The following SMURF2 variants were observed in gnomAD, a reference collection of about 807,000 sequenced individuals.
The protein encoded by SMURF2 is SMAD specific E3 ubiquitin protein ligase 2.
Under a neutral mutation model 109.6 loss-of-function variants are expected in SMURF2, and 48 were observed. The observed-to-expected ratio is 0.44, with a 90% confidence interval of 0.35 to 0.56. The LOEUF (loss-of-function observed/expected upper bound fraction) is 0.56. SMURF2 is among the 20% of genes least tolerant of loss of function. The pLI, the probability that SMURF2 is intolerant of heterozygous loss-of-function variation, is 0.01. For missense variants in SMURF2, 575 were observed against 909.0 expected (o/e 0.63, Z 4.72); for synonymous variants, 288 against 317.1 (o/e 0.91, Z 0.97).
intron 13 of SMURF2, among the ~76,000 whole-genome samples, chr17:64,557,282 C>T (rs1350344432): frequency 1.3e-5 from 2 of 152,172 alleles, no homozygotes; most frequent in Non-Finnish European, 2.9e-5. Flanking sequence ...AGTGATGAGA[C>T]CACGACACGT....
chr17:64,546,626 A>C (rs1226433381), intron 17 of SMURF2, among the ~76,000 whole-genome samples: 2 of 152,244 alleles, frequency 1.3e-5, no homozygotes, highest in Non-Finnish European at 2.9e-5. Context: ...TCAATATCCC[A>C]AAAGCATGAG....
chr17:64,655,491 T>C (rs1970694477), intron 1 of SMURF2, among the ~76,000 whole-genome samples: 1 of 151,666 alleles, frequency 6.6e-6, no homozygotes, highest in Non-Finnish European at 1.5e-5. Context: ...CTCCTGACCT[T>C]AGATGATCCA....
rs118066861 is a variant in SMURF2, at chr17:64,625,800, C to T, written c.53-19160G>A. 8.0e-4 allele frequency among the ~76,000 whole-genome samples: 122 copies of T among 152,286 alleles called. 1 individual carries two copies. Among genetic ancestry groups the T allele is most frequent in the Non-Finnish European group, 9.4e-4 (64 of 68,018 alleles). ...TCTCAGCACCAGACTTTGAAAACCACGGCCTTAAATAATGGCTCTCTACTT... is the reference window on the plus strand; with the variant it reads ...TCTCAGCACCAGACTTTGAAAACCATGGCCTTAAATAATGGCTCTCTACTT... On this transcript the variant is annotated intron_variant, in intron 1 of 18. Transcript: ENST00000262435.
chr17:64,556,743 A>G (rs1348484319), intron 13 of SMURF2, among the ~76,000 whole-genome samples: 11 of 152,126 alleles, frequency 7.2e-5, no homozygotes, highest in African/African-American at 2.7e-4. Context: ...CCTTTTATAT[A>G]TATTTGGTCT....
At chr17:64,596,570 A>C (rs569697438) in intron 3 of SMURF2, among the ~76,000 whole-genome samples, 1 of 148,518 alleles carries the variant, frequency 6.7e-6, no homozygotes, top group African/African-American at 2.5e-5. Flanking sequence ...AAGTTCACCG[A>C]AACAGGAGAG....
At chr17:64,572,048 T>C (rs576559677) in intron 9 of SMURF2, 92 bp from the exon 10 acceptor site, 53 of 1,071,690 alleles carry the variant, frequency 4.9e-5, no homozygotes, top group Non-Finnish European at 6.5e-5. Context: ...CCACAAAGTG[T>C]GAGAAAATGT....
At chr17:64,577,976 C>T (rs1331651052) in intron 9 of SMURF2, among the ~76,000 whole-genome samples, 8 of 137,064 alleles carry the variant, frequency 5.8e-5, no homozygotes, top group African/African-American at 1.9e-4. Context: ...GACAGAGTCT[C>T]GCTCTGTGGC....
chr17:64,646,484 A>G (rs1351572157), intron 1 of SMURF2, among the ~76,000 whole-genome samples: 1 of 150,124 alleles, frequency 6.7e-6, no homozygotes, highest in Admixed American at 6.7e-5. Flanking sequence ...GCTGGGCTCG[A>G]GCCATCCTCC....
intron 1 of SMURF2, among the ~76,000 whole-genome samples, chr17:64,630,752 G>A (rs2144707748): frequency 6.6e-6 from 1 of 152,274 alleles, no homozygotes; most frequent in Admixed American, 6.5e-5. Context: ...ATAAGAACAA[G>A]TTCCTATACA....
chr17:64,551,554 C>T (rs782095778), intron 16 of SMURF2, 30 bp downstream of exon 16: 2 of 1,606,506 alleles, frequency 1.2e-6, no homozygotes, highest in South Asian at 2.2e-5. Flanking sequence ...CCTTGTTACA[C>T]TAGTGATGTT....
In SMURF2 at chr17:64,592,000, G is replaced by A. The variant is rs79579177; in HGVS notation, c.335-851C>T. 3.0e-3 allele frequency among the ~76,000 whole-genome samples: 463 copies of A among 152,294 alleles called. 2 individuals carry two copies. The highest frequency in any genetic ancestry group is 0.011 in the African/African-American group (450 of 41,556). ...GAAAAATCCATGCCCCTAAACTACAGTCCCTACTTATCCAACCAAAAATAC... is the reference window on the plus strand; with the variant it reads ...GAAAAATCCATGCCCCTAAACTACAATCCCTACTTATCCAACCAAAAATAC... On this transcript the variant is annotated intron_variant, in intron 4 of 18. Coordinates refer to ENST00000262435, the MANE Select transcript of SMURF2 (RefSeq NM_022739.4).
chr17:64,645,068 G>A (rs1468926916), intron 1 of SMURF2, among the ~76,000 whole-genome samples: 1 of 151,304 alleles, frequency 6.6e-6, no homozygotes, highest in African/African-American at 2.4e-5. Context: ...TGGGGAAGGA[G>A]GAAGATGGGT....
Position 64,580,850 on chromosome 17 carries a change from T to C in SMURF2, c.711A>G (p.Arg237=), listed in dbSNP as rs782737640. The C allele has an allele frequency of 1.1e-5, 17 of 1,614,080 alleles. No individual in the cohort carries two copies. The African/African-American group carries it at 1.2e-4, about 11-fold the overall frequency. The change falls in exon 8 of 19, where the codon CGA becomes CGG. Residue 237 remains arginine (R), a synonymous_variant. Coordinates refer to ENST00000262435, the MANE Select transcript of SMURF2 (RefSeq NM_022739.4). ...RLAERRVRSQ[R]HRNYMSRTHL... is the part of the protein sequence containing the mutation. ...GTGTTCTGCTCATGTAATTTCTATG[T>C]CGTTGTGACCTGACTCTCCTCTCTG...
intron 1 of SMURF2, among the ~76,000 whole-genome samples, chr17:64,634,993 A>G (rs1970396686): frequency 6.6e-6 from 1 of 152,146 alleles, no homozygotes; most frequent in Admixed American, 6.6e-5. Flanking sequence ...TAATAATAAT[A>G]TTTGTTATGA....
chr17:64,592,267 GATA>G, intron 4 of SMURF2, among the ~76,000 whole-genome samples: 2 of 152,276 alleles, frequency 1.3e-5, no homozygotes, highest in South Asian at 4.1e-4. Flanking sequence ...TTGAACTAGG[GATA>G]ATGTCAGACA....
intron 6 of SMURF2, 71 bp downstream of exon 6, chr17:64,586,014 AC>A (rs781906383): frequency 1.1e-4 from 104 of 945,604 alleles, no homozygotes; most frequent in Non-Finnish European, 1.6e-4. Flanking sequence ...TACAATAAAC[AC>A]CCACTTATTT....
At chr17:64,595,437 G>T (rs1366912873) in intron 3 of SMURF2, among the ~76,000 whole-genome samples, 1 of 152,088 alleles carries the variant, frequency 6.6e-6, no homozygotes, top group Non-Finnish European at 1.5e-5. Context: ...AATTCCTTTT[G>T]CAATTGAAAG....
At chr17:64,593,051 C>T (rs1292085070) in intron 4 of SMURF2, 2 of 152,234 alleles carry the variant, frequency 1.3e-5, no homozygotes, top group Admixed American at 1.3e-4. Context: ...CCACCAAAAC[C>T]AGAAAAGGAT....
At chr17:64,631,300 GAGAGAGAGAGAGAGAGAGAGAGAGAGAC>G (rs1555691569) in intron 1 of SMURF2, among the ~76,000 whole-genome samples, 5 of 115,430 alleles carry the variant, frequency 4.3e-5, no homozygotes, top group Admixed American at 1.8e-4. Flanking sequence ...GAGAGAGAGA[GAGAGAGAGAGAGAGAGAGAGAGAGAGAC>G]AGAGAGAGAG....
Sources: allele counts gnomAD v4.1 joint callset (sites outside exome capture counted in the v4.1 genomes callset), GRCh38; gene constraint gnomAD v4.1.1; transcripts MANE v1.5; gene names NCBI Gene and HGNC (gene_info 2026-07-23, HGNC 2026-07-21).